The following PKN2 variants were observed in gnomAD, a reference collection of about 807,000 sequenced individuals.
PKN2 encodes the protein protein kinase N2.
In PKN2, 38 loss-of-function variants were observed where a neutral mutation model predicts 119.1. That is an observed-to-expected ratio of 0.32 (90% CI 0.25 to 0.42). The LOEUF (loss-of-function observed/expected upper bound fraction) is 0.42. Ranked by LOEUF, PKN2 falls within the 10% of genes least tolerant of loss-of-function variation. The pLI, the probability that PKN2 is intolerant of heterozygous loss-of-function variation, is 1.00. For synonymous variants in PKN2, 390 were observed against 384.9 expected (o/e 1.01, Z -0.15); for missense variants, 850 against 1,165.1 (o/e 0.73, Z 3.94).
intron 6 of PKN2, among the ~76,000 whole-genome samples, chr1:88,781,529 AT>A: frequency 6.6e-6 from 1 of 151,992 alleles, no homozygotes; most frequent in Non-Finnish European, 1.5e-5. Flanking sequence ...TACTTCTTGG[AT>A]TTGCTTGTTT....
intron 1 of PKN2, among the ~76,000 whole-genome samples, chr1:88,724,969 T>C (rs1667843762): frequency 6.8e-6 from 1 of 146,792 alleles, no homozygotes; most frequent in Non-Finnish European, 1.5e-5. Flanking sequence ...CAATCTCGGC[T>C]CACTGCAGCC....
At chr1:88,734,971 A>G (rs574573098) in intron 1 of PKN2, among the ~76,000 whole-genome samples, 97 of 39,534 alleles carry the variant, frequency 2.5e-3, no homozygotes, top group African/African-American at 5.4e-3. Context: ...AAATTAAAAT[A>G]GTTATTATTT....
intron 1 of PKN2, among the ~76,000 whole-genome samples, chr1:88,700,529 G>A (rs2100663201): frequency 6.6e-6 from 1 of 152,200 alleles, no homozygotes; most frequent in Non-Finnish European, 1.5e-5. Flanking sequence ...TACTCAGAGA[G>A]GCACACAAAC....
rs954476305 is a variant in PKN2, at chr1:88,770,787, G to A, written c.622+318G>A. On this transcript the variant is annotated intron_variant, in intron 4 of 21. Transcript: ENST00000370521. ...TTTTTAGTAGAGACGGGGTTTCACC[G>A]TTTTAGCCGGGATGGTCTCGATCTC... 5.3e-5 allele frequency among the ~76,000 whole-genome samples: 8 copies of A among 150,568 alleles called. No homozygotes were observed. In the East Asian group the frequency reaches 5.9e-4, roughly 11 times the overall value.
intron 7 of PKN2, among the ~76,000 whole-genome samples, chr1:88,785,154 T>A (rs1249994194): frequency 6.6e-6 from 1 of 152,212 alleles, no homozygotes. Context: ...TTTTCTTTAT[T>A]TTTTGAGACA....
chr1:88,781,656 A>G (rs1670350817), intron 6 of PKN2, among the ~76,000 whole-genome samples: 1 of 152,132 alleles, frequency 6.6e-6, no homozygotes. Flanking sequence ...AACTCCCTCT[A>G]GATTTTTTTC....
intron 1 of PKN2, among the ~76,000 whole-genome samples, chr1:88,717,726 G>A (rs1056255545): frequency 2.6e-5 from 4 of 152,004 alleles, no homozygotes; most frequent in South Asian, 2.1e-4. Flanking sequence ...GCTTCCTTGC[G>A]ATGGGTTCGA....
chr1:88,726,764 T>G (rs1202453960), intron 1 of PKN2, among the ~76,000 whole-genome samples: 2 of 27,962 alleles, frequency 7.2e-5, no homozygotes, highest in Admixed American at 2.9e-4. Context: ...GTTTTGGTGG[T>G]TTTTTTTTGA....
chr1:88,712,718 C>T (rs1423380858), intron 1 of PKN2, among the ~76,000 whole-genome samples: 1 of 152,072 alleles, frequency 6.6e-6, no homozygotes, highest in Admixed American at 6.6e-5. Flanking sequence ...TGTGAAGATT[C>T]CAGTTGACTA....
chr1:88,688,248 G>C (rs1275373471), intron 1 of PKN2, among the ~76,000 whole-genome samples: 2 of 152,030 alleles, frequency 1.3e-5, no homozygotes, highest in African/African-American at 4.8e-5. Context: ...ACCACACCCG[G>C]CTAATTTTTT....
At chr1:88,717,802 G>C (rs576370943) in intron 1 of PKN2, among the ~76,000 whole-genome samples, 157 of 152,002 alleles carry the variant, frequency 1.0e-3, no homozygotes, top group African/African-American at 3.7e-3. Context: ...CTGTCAACTC[G>C]TCAAAGTCAT....
chr1:88,763,987 A>G (rs1328669041), intron 3 of PKN2, among the ~76,000 whole-genome samples: 1 of 152,050 alleles, frequency 6.6e-6, no homozygotes, highest in Admixed American at 6.5e-5. Flanking sequence ...TTAAATTATT[A>G]CCCTTGTGCA....
At chr1:88,788,638 G>T (rs1241656819) in intron 8 of PKN2, among the ~76,000 whole-genome samples, 1 of 151,804 alleles carries the variant, frequency 6.6e-6, no homozygotes, top group East Asian at 1.9e-4. Context: ...AGAGATGGGG[G>T]TTCTCCATGT....
intron 6 of PKN2, among the ~76,000 whole-genome samples, chr1:88,779,241 G>T (rs1670231482): frequency 6.6e-6 from 1 of 152,162 alleles, no homozygotes; most frequent in African/African-American, 2.4e-5. Context: ...GAGCTCTCCG[G>T]AGTGTCCCTT....
chr1:88,731,895 T>C (rs1018374497), intron 1 of PKN2, among the ~76,000 whole-genome samples: 1 of 152,242 alleles, frequency 6.6e-6, no homozygotes, highest in African/African-American at 2.4e-5. Flanking sequence ...TTAACTTTAC[T>C]GTGAGTTTGT....
intron 1 of PKN2, among the ~76,000 whole-genome samples, chr1:88,709,227 A>AT (rs1440137180): frequency 6.6e-6 from 1 of 150,830 alleles, no homozygotes; most frequent in Non-Finnish European, 1.5e-5. Context: ...CTAATTTTTA[A>AT]TTTTTTTAGT....
chr1:88,806,271 G>C, intron 12 of PKN2: 2 of 406,216 alleles, frequency 4.9e-6, no homozygotes, highest in Non-Finnish European at 9.0e-6. Flanking sequence ...TCTCCTGCAA[G>C]CCATTCTCCT....
chr1:88,825,035 C>G (rs919490214), intron 18 of PKN2, among the ~76,000 whole-genome samples: 1 of 152,236 alleles, frequency 6.6e-6, no homozygotes, highest in African/African-American at 2.4e-5. Flanking sequence ...CTATCTCCCT[C>G]TGCACTGGTG....
chr1:88,720,182 C>T (rs991434083), intron 1 of PKN2, among the ~76,000 whole-genome samples: 17 of 151,902 alleles, frequency 1.1e-4, no homozygotes, highest in African/African-American at 3.4e-4. Context: ...TATAGGTGCA[C>T]GCTAATTTTT....
Sources: gnomAD v4.1 joint callset for allele counts (sites outside exome capture counted in the v4.1 genomes callset) on GRCh38, gnomAD v4.1.1 for gene constraint, MANE v1.5 for transcripts, NCBI Gene and HGNC (gene_info 2026-07-23, HGNC 2026-07-21) for gene names.